SPTBN1: variants seen among roughly 807,000 people sequenced by gnomAD.
SPTBN1 encodes the protein spectrin beta chain, non-erythrocytic 1.
Under a neutral mutation model 266.4 loss-of-function variants are expected in SPTBN1, and 32 were observed. The ratio of observed to expected loss-of-function variants is 0.12; its 90% CI spans 0.09 to 0.16. The LOEUF (loss-of-function observed/expected upper bound fraction) is 0.16. Ranked by LOEUF, SPTBN1 falls within the 10% of genes least tolerant of loss-of-function variation. The pLI is 1.00. For missense variants in SPTBN1, 2,296 were observed against 3,067.1 expected, an observed-to-expected ratio of 0.75 and a Z score of 5.94; for synonymous variants, 1,336 against 1,162.2, an observed-to-expected ratio of 1.15 and a Z score of -3.04.
chr2:54,487,979 G>C (rs1047097678), intron 1 of SPTBN1, among the ~76,000 whole-genome samples: 31 of 151,710 alleles, frequency 2.0e-4, no homozygotes, highest in African/African-American at 7.5e-4. Context: ...ATAGGCGCCT[G>C]CCACCACACC....
chr2:54,613,468 G>C (rs914995935), intron 4 of SPTBN1, among the ~76,000 whole-genome samples: 2 of 152,132 alleles, frequency 1.3e-5, no homozygotes, highest in African/African-American at 4.8e-5. Flanking sequence ...AGTTAGTGTC[G>C]TGATTATATA....
chr2:54,640,476 T>C (rs1428897395), intron 18 of SPTBN1, among the ~76,000 whole-genome samples: 1 of 152,242 alleles, frequency 6.6e-6, no homozygotes, highest in South Asian at 2.1e-4. Flanking sequence ...TACAGTATGC[T>C]GGAATGAGCA....
chr2:54,537,422 G>T (rs1671678996), intron 2 of SPTBN1, among the ~76,000 whole-genome samples: 1 of 152,184 alleles, frequency 6.6e-6, no homozygotes, highest in Non-Finnish European at 1.5e-5. Flanking sequence ...CTTCAGAAGA[G>T]GTGTCCCCAA....
chr2:54,467,674 C>T (rs12990140), intron 1 of SPTBN1, among the ~76,000 whole-genome samples: 33,465 of 151,996 alleles, frequency 0.22, 4,005 homozygotes, highest in African/African-American at 0.31. Context: ...CGTGAGCCAC[C>T]GCGCCTGGCC....
intron 2 of SPTBN1, among the ~76,000 whole-genome samples, chr2:54,559,400 G>T (rs1242662109): frequency 6.6e-6 from 1 of 152,164 alleles, no homozygotes; most frequent in Non-Finnish European, 1.5e-5. Flanking sequence ...TAATTTTTCT[G>T]ATGTGTTGGG....
intron 4 of SPTBN1, among the ~76,000 whole-genome samples, chr2:54,614,378 G>A (rs910633823): frequency 6.6e-6 from 1 of 151,914 alleles, no homozygotes; most frequent in African/African-American, 2.4e-5. Flanking sequence ...CAAGTTCCCA[G>A]TGTGTGTGTA....
chr2:54,558,040 C>T lies in SPTBN1; in HGVS notation c.148+31474C>T, dbSNP rs1672997638. The T allele has an allele frequency of 1.0e-6, 1 of 985,438 alleles. No individual in the cohort carries two copies. The highest frequency in any genetic ancestry group is 1.2e-6 in the Non-Finnish European group (1 of 829,934). The allele number at this position is 985,438 out of a possible 1,614,324, so 61.0% of individuals were successfully genotyped here. ...CCCTTGGGGCTCTTCACTCTCCAGG[C>T]CGTCCCGTGGGCGCGCTAGCCTTTT... On this transcript the variant is annotated intron_variant, in intron 2 of 35. Transcript: ENST00000356805. The surrounding 1 kb of genome is among the most constrained non-coding windows in gnomAD (Gnocchi z 4.6).
intron 1 of SPTBN1, among the ~76,000 whole-genome samples, chr2:54,501,013 C>T (rs1573284426): frequency 6.6e-6 from 1 of 152,132 alleles, no homozygotes; most frequent in African/African-American, 2.4e-5. Context: ...CCAAAGTCCT[C>T]TGCTGGGACT....
intron 1 of SPTBN1, 77 bp from the exon 2 acceptor site, chr2:54,526,295 C>A: frequency 8.5e-7 from 1 of 1,181,440 alleles, no homozygotes; most frequent in Non-Finnish European, 1.2e-6. Flanking sequence ...ATTTTCTGCT[C>A]ACTCTTATCC....
intron 3 of SPTBN1, among the ~76,000 whole-genome samples, chr2:54,603,110 A>G (rs1676605858): frequency 6.6e-6 from 1 of 152,308 alleles, no homozygotes. Flanking sequence ...AGAGCCCTAG[A>G]GTTCAGAAGG....
In SPTBN1 at chr2:54,653,620, G is replaced by T. The variant is rs1490717058; in HGVS notation, c.5589G>T (p.Leu1863=). The change falls in exon 27 of 36, where the codon CTG becomes CTT. Residue 1863 remains leucine, a synonymous_variant. Coordinates refer to ENST00000356805, the MANE Select transcript of SPTBN1 (RefSeq NM_003128.3). This position sits in a 1 kb window ranked among gnomAD's most constrained non-coding sequence, Gnocchi z 5.1. ...IQALGTQVRQ[L]QEDAARLQAA... Reference sequence around the variant, plus strand: ...ACATGGCTTCACAGGTGAGGCAGCTGCAGGAGGATGCAGCCCGCCTCCAGG... The same window carrying T: ...ACATGGCTTCACAGGTGAGGCAGCTTCAGGAGGATGCAGCCCGCCTCCAGG... 6.2e-7 allele frequency: 1 copy of T among 1,613,394 alleles called. No homozygotes were observed. Among genetic ancestry groups the T allele is most frequent in the Non-Finnish European group, 8.5e-7 (1 of 1,179,906 alleles).
intron 1 of SPTBN1, among the ~76,000 whole-genome samples, chr2:54,511,140 C>T (rs1188390280): frequency 1.3e-5 from 2 of 152,160 alleles, no homozygotes; most frequent in Non-Finnish European, 2.9e-5. Flanking sequence ...AATCAGAGAT[C>T]TCCTTTGTGG....
At chr2:54,564,169 C>T (rs1558845229) in intron 2 of SPTBN1, among the ~76,000 whole-genome samples, 1 of 152,146 alleles carries the variant, frequency 6.6e-6, no homozygotes, top group African/African-American at 2.4e-5. Context: ...AAGGGAATAC[C>T]AACTTTTTCT....
At chr2:54,634,466 T>C (rs1678976397) in intron 17 of SPTBN1, among the ~76,000 whole-genome samples, 1 of 152,184 alleles carries the variant, frequency 6.6e-6, no homozygotes, top group South Asian at 2.1e-4. Flanking sequence ...ATAATAAAGA[T>C]GGAAGGAGGG....
In SPTBN1 at chr2:54,594,058, C is replaced by T. The variant is rs557652509; in HGVS notation, c.149-5034C>T. Among the ~76,000 whole-genome samples, 4 of 151,998 alleles carry T rather than the reference C, an allele frequency of 2.6e-5. No individual in the cohort carries two copies. In the South Asian group the frequency reaches 8.3e-4, roughly 32 times the overall value. ...ATGTTGGTCAGGCTGGTCTTGAACT[C>T]CTGACCTCATGATCCGCCCACCTCG... On this transcript the variant is annotated intron_variant, in intron 2 of 35. Coordinates refer to ENST00000356805, the MANE Select transcript of SPTBN1 (RefSeq NM_003128.3).
At chr2:54,459,445 G>T (rs1693241787) in intron 1 of SPTBN1, among the ~76,000 whole-genome samples, 1 of 152,190 alleles carries the variant, frequency 6.6e-6, no homozygotes, top group African/African-American at 2.4e-5. Context: ...ATGTTTGAAT[G>T]TATGACTTTA....
intron 1 of SPTBN1, among the ~76,000 whole-genome samples, chr2:54,524,793 C>T (rs1189953541): frequency 2.6e-5 from 4 of 152,216 alleles, no homozygotes; most frequent in African/African-American, 9.6e-5. Flanking sequence ...CTTGCCGTTC[C>T]TCCTGCATGC....
chr2:54,513,191 CAAAA>C (rs1558793980), intron 1 of SPTBN1, among the ~76,000 whole-genome samples: 1 of 151,902 alleles, frequency 6.6e-6, no homozygotes, highest in Admixed American at 6.6e-5. Flanking sequence ...AGCAAGCAAA[CAAAA>C]AAGAAACCAC....
At chr2:54,486,608 A>G (rs1195735714) in intron 1 of SPTBN1, among the ~76,000 whole-genome samples, 1 of 152,136 alleles carries the variant, frequency 6.6e-6, no homozygotes, top group Non-Finnish European at 1.5e-5. Context: ...TCCTCTGCCT[A>G]GGAAAACCAG....
Sources: allele counts gnomAD v4.1 joint callset (sites outside exome capture counted in the v4.1 genomes callset), GRCh38; gene constraint gnomAD v4.1.1; non-coding constraint Gnocchi (gnomAD v3.1); transcripts MANE v1.5; gene names NCBI Gene and HGNC (gene_info 2026-07-23, HGNC 2026-07-21).